The following CNTNAP2 variants were observed in gnomAD, a reference collection of about 807,000 sequenced individuals.
The protein encoded by CNTNAP2 is contactin associated protein 2.
A neutral mutation model predicts 155.2 loss-of-function variants in CNTNAP2; 98 were observed. That is an observed-to-expected ratio of 0.63 (90% confidence interval 0.54 to 0.75). CNTNAP2 has a LOEUF of 0.75. CNTNAP2 is among the 30% of genes least tolerant of loss of function. The pLI, the probability that CNTNAP2 is intolerant of heterozygous loss-of-function variation, is 0.00. For synonymous variants in CNTNAP2, 651 were observed against 631.2 expected, an observed-to-expected ratio of 1.03 and a Z score of -0.47; for missense variants, 1,727 against 1,688.1, an observed-to-expected ratio of 1.02 and a Z score of -0.40.
intron 3 of CNTNAP2, among the ~76,000 whole-genome samples, chr7:146,943,021 A>AAAGG (rs1432588354): frequency 7.9e-5 from 12 of 152,200 alleles, no homozygotes; most frequent in Non-Finnish European, 1.8e-4. Flanking sequence ...TAGAGTGTAC[A>AAAGG]ATTAACCCTT....
At chr7:147,993,993 G>T (rs554810597) in intron 15 of CNTNAP2, among the ~76,000 whole-genome samples, 1 of 152,030 alleles carries the variant, frequency 6.6e-6, no homozygotes, top group South Asian at 2.1e-4. Flanking sequence ...ACACAGATTT[G>T]CCCTCCTTTC....
chr7:146,129,154 T>C (rs1011066415), intron 1 of CNTNAP2, among the ~76,000 whole-genome samples: 1 of 152,182 alleles, frequency 6.6e-6, no homozygotes, highest in African/African-American at 2.4e-5. Flanking sequence ...ATCTGAGGCA[T>C]TTTCGTTTTA....
chr7:148,307,408 A>G (rs1797508534), intron 21 of CNTNAP2, among the ~76,000 whole-genome samples: 1 of 152,206 alleles, frequency 6.6e-6, no homozygotes, highest in Non-Finnish European at 1.5e-5. Flanking sequence ...TTGCAGTGCC[A>G]ACCGGGCTAC....
At chr7:147,002,132 G>C (rs915792602) in intron 3 of CNTNAP2, among the ~76,000 whole-genome samples, 1 of 151,808 alleles carries the variant, frequency 6.6e-6, no homozygotes, top group Non-Finnish European at 1.5e-5. Flanking sequence ...ATTATACAAA[G>C]AGAAACTTTA....
chr7:146,309,163 G>C (rs1800774993), intron 1 of CNTNAP2, among the ~76,000 whole-genome samples: 1 of 152,084 alleles, frequency 6.6e-6, no homozygotes, highest in Admixed American at 6.6e-5. Context: ...GTAATTTTAG[G>C]ATGTTTCCAT....
At chr7:147,754,858 G>A (rs532994926) in intron 13 of CNTNAP2, among the ~76,000 whole-genome samples, 19 of 152,154 alleles carry the variant, frequency 1.2e-4, no homozygotes, top group African/African-American at 2.9e-4. Context: ...GCTTAGTGAC[G>A]GATCCATGTG....
chr7:146,925,232 A>G (rs1398649763), intron 3 of CNTNAP2, among the ~76,000 whole-genome samples: 1 of 152,104 alleles, frequency 6.6e-6, no homozygotes, highest in Non-Finnish European at 1.5e-5. Flanking sequence ...TAATTTTCCC[A>G]TCATATATAT....
intron 1 of CNTNAP2, among the ~76,000 whole-genome samples, chr7:146,138,164 T>A (rs117056808): frequency 0.012 from 1,835 of 152,258 alleles, 21 homozygotes; most frequent in Non-Finnish European, 0.019. Flanking sequence ...ATGATAAATG[T>A]CACATTGTTA....
chr7:148,335,960 T>C (rs1798108708), intron 21 of CNTNAP2, among the ~76,000 whole-genome samples: 1 of 152,144 alleles, frequency 6.6e-6, no homozygotes, highest in Non-Finnish European at 1.5e-5. Context: ...AGGAGGAAGG[T>C]CACCCACCTC....
At chr7:147,315,776 G>A (rs1341466691) in intron 9 of CNTNAP2, among the ~76,000 whole-genome samples, 1 of 152,006 alleles carries the variant, frequency 6.6e-6, no homozygotes, top group Admixed American at 6.6e-5. Context: ...ACCACACCTG[G>A]CCTTATTCTG....
intron 2 of CNTNAP2, among the ~76,000 whole-genome samples, chr7:146,806,233 T>G (rs1471656298): frequency 6.6e-6 from 1 of 152,126 alleles, no homozygotes; most frequent in Non-Finnish European, 1.5e-5. Flanking sequence ...GGCTCATGCC[T>G]GTAATCCCAG....
chr7:148,409,404 T>C lies in CNTNAP2; in HGVS notation c.3729T>C (p.Phe1243=). 6.2e-7 allele frequency: 1 copy of C among 1,612,886 alleles called. No homozygotes were observed. Among genetic ancestry groups the C allele is most frequent in the Non-Finnish European group, 8.5e-7 (1 of 1,179,060 alleles). Residue 1243 remains phenylalanine (F), a synonymous_variant, in exon 23 of 24, where the codon TTT becomes TTC. Transcript: ENST00000361727. The stretch of plus-strand genomic sequence containing the variant: ...CTTTCTCTACAGCCAGTGCGGATTT[T>C]CCATATAATCCAGGACAAGGCCAAG... ...LDHLDSASAD[F]PYNPGQGQAI...
In CNTNAP2 at chr7:146,528,418, A is replaced by C. The variant is rs565360617; in HGVS notation, c.98-245853A>C. The stretch of plus-strand genomic sequence containing the variant: ...GAAGGTTAAATGAAATAAGACGTGA[A>C]GACCATTTAGCATACAGTCCAACAA... On this transcript the variant is annotated intron_variant, in intron 1 of 23. Coordinates refer to ENST00000361727, the MANE Select transcript of CNTNAP2 (RefSeq NM_014141.6). Among the ~76,000 whole-genome samples the C allele has an allele frequency of 2.0e-5, 3 of 152,336 alleles. No homozygotes were observed. The East Asian group carries it at 5.8e-4, about 29-fold the overall frequency.
At chr7:146,352,898 G>T (rs1421867902) in intron 1 of CNTNAP2, among the ~76,000 whole-genome samples, 1 of 151,192 alleles carries the variant, frequency 6.6e-6, no homozygotes, top group African/African-American at 2.4e-5. Context: ...AGGACTACAG[G>T]CACCCGCCAC....
At chr7:147,639,034 A>C (rs1484715720) in intron 12 of CNTNAP2, 72 bp from the exon 13 acceptor site, 3 of 1,471,956 alleles carry the variant, frequency 2.0e-6, no homozygotes, top group Non-Finnish European at 2.9e-6. Flanking sequence ...GTGTGGCTCA[A>C]TTATTTTCTG....
intron 11 of CNTNAP2, among the ~76,000 whole-genome samples, chr7:147,522,254 C>T (rs1799241196): frequency 6.6e-6 from 1 of 152,174 alleles, no homozygotes; most frequent in Non-Finnish European, 1.5e-5. Flanking sequence ...ACTTGGAGGA[C>T]ACACGAATAT....
At position 147,242,987 on chromosome 7, in the gene CNTNAP2, ATTTTTTTTTTTT is replaced by A. The variant is rs766917054; in HGVS notation, c.1349-57136_1349-57125del. ...TGTTGTATTCCACACTATGCTTTGC[ATTTTTTTTTTTT>A]TTTTTTTTTTTTTTTTTGAGAGGGA... is the stretch of plus-strand genomic sequence containing the variant. On this transcript the variant is annotated intron_variant, in intron 8 of 23. Transcript: ENST00000361727. Among the ~76,000 whole-genome samples, 21 of 47,168 alleles carry A rather than the reference ATTTTTTTTTTTT, an allele frequency of 4.5e-4. No individual in the cohort carries two copies. In the South Asian group the frequency reaches 6.5e-3, roughly 15 times the overall value. The allele number at this position is 47,168 out of a possible 152,430, so 30.9% of individuals were successfully genotyped here.
chr7:146,847,796 A>C (rs189356471), intron 3 of CNTNAP2, among the ~76,000 whole-genome samples: 36 of 152,278 alleles, frequency 2.4e-4, no homozygotes, highest in African/African-American at 8.4e-4. Flanking sequence ...ACTTATTATC[A>C]CATCGAGTCC....
chr7:146,602,709 T>G (rs1798970262), intron 1 of CNTNAP2, among the ~76,000 whole-genome samples: 1 of 152,208 alleles, frequency 6.6e-6, no homozygotes, highest in Non-Finnish European at 1.5e-5. Context: ...GTAAAAAATA[T>G]TATACTAAAG....
Sources: gnomAD v4.1 joint callset for allele counts (sites outside exome capture counted in the v4.1 genomes callset) on GRCh38, gnomAD v4.1.1 for gene constraint, MANE v1.5 for transcripts, NCBI Gene and HGNC (gene_info 2026-07-23, HGNC 2026-07-21) for gene names.